The following ZNF618 variants were observed in gnomAD, a reference collection of about 807,000 sequenced individuals.
The protein encoded by ZNF618 is zinc finger protein 618.
Under a neutral mutation model 103.0 loss-of-function variants are expected in ZNF618, and 34 were observed. The ratio of observed to expected loss-of-function variants is 0.33; its 90% CI spans 0.25 to 0.44. The LOEUF is 0.44. ZNF618 is among the 20% of genes least tolerant of loss of function. The pLI, the probability that ZNF618 is intolerant of heterozygous loss-of-function variation, is 1.00. For synonymous variants in ZNF618, 551 were observed against 542.2 expected (o/e 1.02, Z -0.23); for missense variants, 1,059 against 1,295.4 (o/e 0.82, Z 2.80).
At chr9:113,950,344 C>T (rs1005395468) in intron 1 of ZNF618, among the ~76,000 whole-genome samples, 1 of 152,180 alleles carries the variant, frequency 6.6e-6, no homozygotes, top group African/African-American at 2.4e-5. Flanking sequence ...CTCTCATTGT[C>T]TCTCCCTGTC....
chr9:113,984,740 T>G (rs976382734), intron 2 of ZNF618, among the ~76,000 whole-genome samples: 1 of 152,188 alleles, frequency 6.6e-6, no homozygotes, highest in Non-Finnish European at 1.5e-5. Context: ...CTACTGAGCC[T>G]CAGGGCCCTG....
chr9:113,975,777 T>C (rs1838412019), intron 2 of ZNF618, among the ~76,000 whole-genome samples: 2 of 152,188 alleles, frequency 1.3e-5, no homozygotes, highest in South Asian at 2.1e-4. Context: ...ATGAACAGTA[T>C]GGTATTAGCA....
intron 1 of ZNF618, among the ~76,000 whole-genome samples, chr9:113,916,371 G>A (rs1199270292): frequency 1.3e-5 from 2 of 152,114 alleles, no homozygotes; most frequent in African/African-American, 2.4e-5. Flanking sequence ...TTGTGCCTTC[G>A]TGGTCCTGAT....
intron 1 of ZNF618, among the ~76,000 whole-genome samples, chr9:113,880,830 G>T (rs1828451750): frequency 6.6e-6 from 1 of 152,208 alleles, no homozygotes; most frequent in Non-Finnish European, 1.5e-5. Flanking sequence ...TACTGGACTA[G>T]CTGAACCGCC....
At chr9:114,011,369 A>G (rs555745255) in intron 9 of ZNF618, among the ~76,000 whole-genome samples, 2 of 152,362 alleles carry the variant, frequency 1.3e-5, no homozygotes, top group Admixed American at 1.3e-4. Context: ...ATCTGTAACT[A>G]AGTCTGACAG....
chr9:113,980,991 G>A (rs1186784193), intron 2 of ZNF618, among the ~76,000 whole-genome samples: 8 of 152,216 alleles, frequency 5.3e-5, no homozygotes, highest in Admixed American at 5.2e-4. Context: ...AGAATCACTT[G>A]CACTCATATA....
chr9:113,977,397 T>A (rs1838578713), intron 2 of ZNF618, among the ~76,000 whole-genome samples: 1 of 151,606 alleles, frequency 6.6e-6, no homozygotes, highest in African/African-American at 2.4e-5. Flanking sequence ...ACAGAGGGAG[T>A]GTGTTTATCC....
chr9:113,911,989 T>C (rs1831592899), intron 1 of ZNF618, among the ~76,000 whole-genome samples: 1 of 152,220 alleles, frequency 6.6e-6, no homozygotes, highest in African/African-American at 2.4e-5. Context: ...AAGGAGGGCC[T>C]GAAACACAGA....
At chr9:113,884,457 GT>G (rs1828859856) in intron 1 of ZNF618, among the ~76,000 whole-genome samples, 1 of 152,176 alleles carries the variant, frequency 6.6e-6, no homozygotes, top group South Asian at 2.1e-4. Context: ...TAAGAAAAAA[GT>G]TTTGTAAAGG....
intron 1 of ZNF618, among the ~76,000 whole-genome samples, chr9:113,886,664 C>T (rs539395870): frequency 3.3e-4 from 50 of 152,136 alleles, no homozygotes; most frequent in African/African-American, 1.2e-3. Flanking sequence ...TGGGGTGCTA[C>T]TAGCCTTCGT....
intron 10 of ZNF618, among the ~76,000 whole-genome samples, chr9:114,026,604 C>T (rs987411309): frequency 3.3e-5 from 5 of 152,226 alleles, no homozygotes; most frequent in Admixed American, 6.5e-5. Context: ...TGCCAAAGGC[C>T]TCCTTGCACA....
chr9:113,975,627 T>TA (rs1424040186), intron 2 of ZNF618, among the ~76,000 whole-genome samples: 3 of 152,086 alleles, frequency 2.0e-5, no homozygotes, highest in Non-Finnish European at 4.4e-5. Context: ...TTTCTGGGTT[T>TA]TGGATTAGGG....
intron 2 of ZNF618, among the ~76,000 whole-genome samples, chr9:113,971,309 C>T (rs1373099525): frequency 8.6e-5 from 13 of 152,028 alleles, no homozygotes; most frequent in Admixed American, 7.9e-4. Flanking sequence ...TGCTTAGGGG[C>T]GTATAATGAG....
chr9:114,015,659 T>C (rs1477309660), intron 9 of ZNF618, among the ~76,000 whole-genome samples: 1 of 152,182 alleles, frequency 6.6e-6, no homozygotes, highest in Non-Finnish European at 1.5e-5. Flanking sequence ...TGTGTAAAAT[T>C]AATGGGTGAA....
intron 1 of ZNF618, among the ~76,000 whole-genome samples, chr9:113,885,187 C>G (rs1374413964): frequency 6.6e-6 from 1 of 152,052 alleles, no homozygotes; most frequent in African/African-American, 2.4e-5. Flanking sequence ...CAAGGCAGGC[C>G]CTGGGGTTCC....
chr9:113,962,309 C>T (rs989629025), intron 1 of ZNF618, among the ~76,000 whole-genome samples: 1 of 152,210 alleles, frequency 6.6e-6, no homozygotes, highest in African/African-American at 2.4e-5. Flanking sequence ...CCTTTCCTCA[C>T]CCTCTTCAGT....
At chr9:113,901,834 G>C (rs993894966) in intron 1 of ZNF618, among the ~76,000 whole-genome samples, 4 of 151,992 alleles carry the variant, frequency 2.6e-5, no homozygotes, top group Non-Finnish European at 4.4e-5. Flanking sequence ...CCTGTTCTCC[G>C]GACTATTTCT....
intron 10 of ZNF618, among the ~76,000 whole-genome samples, chr9:114,021,522 A>G (rs1381737487): frequency 2.0e-5 from 3 of 152,128 alleles, no homozygotes; most frequent in East Asian, 1.9e-4. Context: ...TGGTGTGTTA[A>G]TGAAGGTCAT....
rs575681724 is a variant in ZNF618, at chr9:114,029,062, G to GC, written c.1084+91dup. 2.0e-4 allele frequency: 290 copies of GC among 1,474,622 alleles called. 1 individual carries two copies. In the African/African-American group the frequency reaches 3.6e-3, roughly 18 times the overall value. The allele number at this position is 1,474,622 out of a possible 1,614,324, so 91.3% of individuals were successfully genotyped here. On this transcript the variant is annotated intron_variant, in intron 11 of 14. Coordinates refer to ENST00000374126, the MANE Select transcript of ZNF618 (RefSeq NM_001318042.2). ...CTGTGCCTGGGGTTGTTGTTGCCTT[G>GC]CAAGAGCAAGAGTGGCAGTCCCGTA...
Sources: gnomAD v4.1 joint callset for allele counts (sites outside exome capture counted in the v4.1 genomes callset) on GRCh38, gnomAD v4.1.1 for gene constraint, MANE v1.5 for transcripts, NCBI Gene and HGNC (gene_info 2026-07-23, HGNC 2026-07-21) for gene names.